Variants in ZBTB46 observed in about 807,000 individuals in gnomAD.
ZBTB46 encodes zinc finger and BTB domain-containing protein 46.
A neutral mutation model predicts 44.1 loss-of-function variants in ZBTB46; 8 were observed. That is an observed-to-expected ratio of 0.18 (90% confidence interval 0.11 to 0.33). ZBTB46 has a LOEUF of 0.33. ZBTB46 is among the 10% of genes least tolerant of loss of function. The pLI is 1.00. For synonymous variants in ZBTB46, 409 were observed against 382.3 expected (o/e 1.07, Z -0.81); for missense variants, 651 against 847.7 (o/e 0.77, Z 2.88).
At chr20:63,768,220 T>C (rs2092336921) in intron 3 of ZBTB46, 1 of 751,232 alleles carries the variant, frequency 1.3e-6, no homozygotes, top group Admixed American at 6.3e-5. Context: ...CTGTGAGAAA[T>C]GAGAAACGAC....
In ZBTB46 at chr20:63,752,056, G is replaced by C. The variant is rs1239064752; in HGVS notation, c.1398+630C>G. ...GCCGCGAGCTCCCCCTGCACCCTGCGCCTCGGGGTGGGCGTTCCAGGACTC... is the reference window on the plus strand; with the variant it reads ...GCCGCGAGCTCCCCCTGCACCCTGCCCCTCGGGGTGGGCGTTCCAGGACTC... On this transcript the variant is annotated intron_variant, in intron 4 of 4. Transcript: ENST00000245663. The surrounding 1 kb of genome is among the most constrained non-coding windows in gnomAD (Gnocchi z 5.6). Among the ~76,000 whole-genome samples the C allele has an allele frequency of 1.3e-5, 2 of 151,970 alleles. No homozygotes were observed. Among genetic ancestry groups the C allele is most frequent in the Non-Finnish European group, 2.9e-5 (2 of 67,980 alleles).
In ZBTB46 at chr20:63,776,046, G is replaced by T. The variant is rs928834677; in HGVS notation, c.938-84C>A. 9 of 1,452,878 alleles carry T rather than the reference G, an allele frequency of 6.2e-6. No individual in the cohort carries two copies. The African/African-American group carries it at 1.3e-4, about 21-fold the overall frequency. The allele number at this position is 1,452,878 out of a possible 1,614,324, so 90.0% of individuals were successfully genotyped here. A position where few individuals can be genotyped will look rare whatever the true frequency, so the allele number is the denominator to read the frequency against. ...GACAGGCGACACATTTAGAAGGACA[G>T]CGACCAGCTTCTGCCTGAGCTACAG... On this transcript the variant is annotated intron_variant, in intron 2 of 4. Transcript: ENST00000245663.
intron 1 of ZBTB46, among the ~76,000 whole-genome samples, chr20:63,801,234 C>T (rs1341836499): frequency 6.6e-6 from 1 of 152,138 alleles, no homozygotes; most frequent in Non-Finnish European, 1.5e-5. Context: ...CTGTATCTGG[C>T]TCAAGGTTTG....
rs191652501 is a variant in ZBTB46, at chr20:63,764,397, T to C, written c.1222+11281A>G. The stretch of plus-strand genomic sequence containing the variant: ...GTTGCAGTGAGCAGAGATCGCACCA[T>C]TGCACTCCAGCCTAGGTGACTGAGC... On this transcript the variant is annotated intron_variant, in intron 3 of 4. Transcript: ENST00000245663. 3.7e-3 allele frequency among the ~76,000 whole-genome samples: 557 copies of C among 151,652 alleles called. 6 individuals are homozygous for C. Among genetic ancestry groups the C allele is most frequent in the African/African-American group, 0.013 (531 of 41,398 alleles).
intron 3 of ZBTB46, among the ~76,000 whole-genome samples, chr20:63,761,030 G>A (rs1272859019): frequency 3.0e-5 from 4 of 133,592 alleles, no homozygotes; most frequent in South Asian, 2.3e-4. Flanking sequence ...ATGGAGTCTC[G>A]TTCTGACATC....
intron 2 of ZBTB46, among the ~76,000 whole-genome samples, chr20:63,785,387 C>T (rs996652566): frequency 7.9e-5 from 12 of 151,760 alleles, no homozygotes; most frequent in African/African-American, 2.9e-4. Context: ...ATGGTGAAAC[C>T]CCGTCTCTAC....
At chr20:63,759,668 G>T (rs2092256388) in intron 3 of ZBTB46, among the ~76,000 whole-genome samples, 1 of 152,168 alleles carries the variant, frequency 6.6e-6, no homozygotes, top group African/African-American at 2.4e-5. Flanking sequence ...ACCCGGGCAG[G>T]ATCTCCAGCC....
intron 4 of ZBTB46, among the ~76,000 whole-genome samples, chr20:63,747,745 G>A (rs994815203): frequency 1.3e-5 from 2 of 152,108 alleles, no homozygotes; most frequent in East Asian, 1.9e-4. Context: ...ATGCTGGCAC[G>A]AGGGCGGCAG....
Position 63,747,110 on chromosome 20 carries a change from G to A in ZBTB46, c.1590C>T (p.Gly530=), listed in dbSNP as rs759411295. ...GEGSPEALFP[G]DGPYLEDPED... is the part of the protein sequence containing the mutation. ...CAGGGTCCTCCAGATAGGGCCCGTC[G>A]CCTGGGAACAGCGCCTCTGGAGAGC... Residue 530 remains glycine, a synonymous_variant, in exon 5 of 5, where the codon GGC becomes GGT. Coordinates refer to ENST00000245663, the MANE Select transcript of ZBTB46 (RefSeq NM_001369741.1). 1.1e-5 allele frequency: 17 copies of A among 1,609,844 alleles called. No homozygotes were observed. The highest frequency in any genetic ancestry group is 2.2e-5 in the South Asian group (2 of 91,032).
At chr20:63,813,263 A>C (rs1438218238) in intron 1 of ZBTB46, among the ~76,000 whole-genome samples, 2 of 151,868 alleles carry the variant, frequency 1.3e-5, no homozygotes, top group South Asian at 4.2e-4. Flanking sequence ...AGCCTGGCCA[A>C]CATGGTGAAA....
chr20:63,764,790 T>G (rs568732063), intron 3 of ZBTB46, among the ~76,000 whole-genome samples: 10 of 152,016 alleles, frequency 6.6e-5, no homozygotes, highest in Middle Eastern at 6.8e-3. Context: ...TTAGTAGAGA[T>G]GGGGTTTCTC....
At chr20:63,784,693 C>T (rs548116936) in intron 2 of ZBTB46, among the ~76,000 whole-genome samples, 1 of 152,350 alleles carries the variant, frequency 6.6e-6, no homozygotes, top group South Asian at 2.1e-4. Flanking sequence ...AAACATGAAT[C>T]TGAACATTTT....
At chr20:63,805,407 G>T (rs1020646769) in intron 1 of ZBTB46, among the ~76,000 whole-genome samples, 3 of 152,174 alleles carry the variant, frequency 2.0e-5, no homozygotes, top group Non-Finnish European at 4.4e-5. Flanking sequence ...GCTGCAGTCA[G>T]TGAGCTCCGA....
At chr20:63,783,749 G>A (rs1025435067) in intron 2 of ZBTB46, among the ~76,000 whole-genome samples, 3 of 152,134 alleles carry the variant, frequency 2.0e-5, no homozygotes, top group Non-Finnish European at 2.9e-5. Flanking sequence ...GGAGCCGGAC[G>A]CCCTTCCCAC....
upstream of ZBTB46, among the ~76,000 whole-genome samples, chr20:63,833,047 C>T (rs2092859892): frequency 6.6e-6 from 1 of 152,184 alleles, no homozygotes; most frequent in Non-Finnish European, 1.5e-5. Context: ...CCCATGCTCT[C>T]TTGCGCAAAA....
intron 3 of ZBTB46, among the ~76,000 whole-genome samples, chr20:63,756,101 G>A (rs1264765897): frequency 1.3e-5 from 2 of 152,234 alleles, no homozygotes; most frequent in East Asian, 1.9e-4. Context: ...TCAGGGAAGA[G>A]CAGAGGTCTC....
intron 3 of ZBTB46, among the ~76,000 whole-genome samples, chr20:63,773,422 C>A (rs1158358267): frequency 6.6e-6 from 1 of 152,030 alleles, no homozygotes; most frequent in Non-Finnish European, 1.5e-5. Flanking sequence ...TGGGGTTTCC[C>A]CACGTTGCCC....
chr20:63,812,917 A>G (rs752337987), intron 1 of ZBTB46, among the ~76,000 whole-genome samples: 10 of 152,152 alleles, frequency 6.6e-5, no homozygotes, highest in Non-Finnish European at 1.0e-4. Context: ...AACATGGTGA[A>G]ACCCCGTCTT....
chr20:63,755,858 A>C (rs1480903082), intron 3 of ZBTB46, among the ~76,000 whole-genome samples: 4 of 152,224 alleles, frequency 2.6e-5, no homozygotes, highest in Non-Finnish European at 5.9e-5. Context: ...AGATCATTAC[A>C]CGGAAACGGG....
Sources: allele counts gnomAD v4.1 joint callset (sites outside exome capture counted in the v4.1 genomes callset), GRCh38; gene constraint gnomAD v4.1.1; non-coding constraint Gnocchi (gnomAD v3.1); transcripts MANE v1.5; gene names NCBI Gene and HGNC (gene_info 2026-07-23, HGNC 2026-07-21).